Variants in LRRC74A observed in about 807,000 individuals in gnomAD.
The protein encoded by LRRC74A is leucine rich repeat containing 74A.
LRRC74A carries 44 observed loss-of-function variants against 57.9 expected under a neutral mutation model. That is an observed-to-expected ratio of 0.76 (90% confidence interval 0.60 to 0.98). The LOEUF is 0.98. Ranked by LOEUF, LRRC74A falls within the 50% of genes least tolerant of loss-of-function variation. The pLI, the probability that LRRC74A is intolerant of heterozygous loss-of-function variation, is 0.00. For missense variants in LRRC74A, 572 were observed against 574.0 expected (o/e 1.00, Z 0.04); for synonymous variants, 211 against 219.4 (o/e 0.96, Z 0.34).
Position 76,852,433 on chromosome 14 carries a change from T to C in LRRC74A, c.745T>C (p.Leu249=), listed in dbSNP as rs1405600868. ...NNFHTRGAVA[L]CNGLRGNVTL... ...CTTCCACACAAGGGGAGCTGTGGCC[T>C]TGTGCAATGGTCTCCGGGTAAGGCA... The change falls in exon 8 of 14, where the codon TTG becomes CTG. Residue 249 remains leucine (L), a synonymous_variant. Coordinates refer to ENST00000689127, the MANE Select transcript of LRRC74A (RefSeq NM_001385106.1). The C allele has an allele frequency of 1.2e-6, 2 of 1,609,308 alleles. No individual in the cohort carries two copies. The highest frequency in any genetic ancestry group is 2.7e-5 in the African/African-American group (2 of 74,878).
At chr14:76,860,860 C>T in intron 11 of LRRC74A, 21 bp downstream of exon 11, 1 of 1,562,030 alleles carries the variant, frequency 6.4e-7, no homozygotes, top group Non-Finnish European at 8.7e-7. Flanking sequence ...GCCTTCCTCT[C>T]AGGGCCTCCA....
Position 76,870,175 on chromosome 14 carries a change from C to G in LRRC74A, c.*26C>G, listed in dbSNP as rs757025209. The G allele has an allele frequency of 6.2e-7, 1 of 1,606,434 alleles. No individual in the cohort carries two copies. Among genetic ancestry groups the G allele is most frequent in the African/African-American group, 1.3e-5 (1 of 74,856 alleles). ...CAACAAGTCTGGTCTAGAAAGAAGTCTCGGCGAGAGGAGTCCTCGCAAGTC... is the reference window on the plus strand; with the variant it reads ...CAACAAGTCTGGTCTAGAAAGAAGTGTCGGCGAGAGGAGTCCTCGCAAGTC... On this transcript the variant is annotated 3_prime_UTR_variant, in exon 14 of 14. Transcript: ENST00000689127.
chr14:76,855,356 G>C (rs1413637782), intron 9 of LRRC74A, among the ~76,000 whole-genome samples: 6 of 152,212 alleles, frequency 3.9e-5, no homozygotes, highest in Admixed American at 3.9e-4. Context: ...AATTTTAAAA[G>C]ATTAAGCAGT....
Position 76,844,832 on chromosome 14 carries a change from A to G in LRRC74A, c.607A>G (p.Ile203Val), listed in dbSNP as rs956940105. Residue 203 changes from isoleucine to valine, a missense_variant, in exon 7 of 14, where the codon ATT becomes GTT. By Grantham distance (29) the Ile-to-Val change is conservative. Transcript: ENST00000689127. Reference protein sequence around the residue: ...LCQALSTNYQIKKLDLSHNQF... With the variant: ...LCQALSTNYQVKKLDLSHNQF... ...TTTGTTTCTGTAGACCAATTACCAAATTAAAAAGCTGGATCTCAGTCACAA... is the reference window on the plus strand; with the variant it reads ...TTTGTTTCTGTAGACCAATTACCAAGTTAAAAAGCTGGATCTCAGTCACAA... The G allele has an allele frequency of 8.2e-6, 13 of 1,577,226 alleles. No individual in the cohort carries two copies. Among genetic ancestry groups the G allele is most frequent in the Non-Finnish European group, 1.0e-5 (12 of 1,146,678 alleles).
chr14:76,862,474 C>T (rs1898389348), intron 11 of LRRC74A, among the ~76,000 whole-genome samples: 1 of 151,670 alleles, frequency 6.6e-6, no homozygotes, highest in Non-Finnish European at 1.5e-5. Context: ...GAGGCGGAGG[C>T]TGCAGCGAGC....
At chr14:76,828,586 C>A (rs777037895) in intron 2 of LRRC74A, 167 bp downstream of exon 2, 3 of 1,024,330 alleles carry the variant, frequency 2.9e-6, no homozygotes, top group Non-Finnish European at 4.4e-6. Context: ...AGTCCTCCTC[C>A]GGGCTGGCAG....
chr14:76,831,297 C>T lies in LRRC74A; in HGVS notation c.261C>T (p.Asn87=). ...TGCCTGTCTCCTACTTCATTCGGAA[C>T]ATGGAGGAGTCCTACGTGAACCTCA... ...GVVPVSYFIR[N]MEESYVNLNH... Residue 87 remains asparagine (N), a synonymous_variant, in exon 3 of 14, where the codon AAC becomes AAT. Coordinates refer to ENST00000689127, the MANE Select transcript of LRRC74A (RefSeq NM_001385106.1). 1 of 1,614,022 alleles carries T rather than the reference C, an allele frequency of 6.2e-7. No individual in the cohort carries two copies.
At chr14:76,828,110 G>A (rs772394110) in intron 1 of LRRC74A, among the ~76,000 whole-genome samples, 181 bp from the exon 2 acceptor site, 4 of 152,206 alleles carry the variant, frequency 2.6e-5, no homozygotes, top group East Asian at 3.9e-4. Context: ...CCCTGCAGCC[G>A]GAGGCAGCGC....
Position 76,853,430 on chromosome 14 carries a change from G to GTGTGTGTGTGTGTGTGTGTGT in LRRC74A, c.957+20_957+21insTGTGTGTGTGTGTGTGTGTGT. 8.5e-7 allele frequency: 1 copy of GTGTGTGTGTGTGTGTGTGTGT among 1,178,048 alleles called. No homozygotes were observed. Among genetic ancestry groups the GTGTGTGTGTGTGTGTGTGTGT allele is most frequent in the African/African-American group, 1.8e-5 (1 of 55,804 alleles). The allele number at this position is 1,178,048 out of a possible 1,614,324, so 73.0% of individuals were successfully genotyped here. On this transcript the variant is annotated intron_variant, in intron 9 of 13. Coordinates refer to ENST00000689127, the MANE Select transcript of LRRC74A (RefSeq NM_001385106.1). ...CTGAAGGTAGTCTTCAGCTGGAAAG[G>GTGTGTGTGTGTGTGTGTGTGT]GTGTGTGTGTGTGTGTGTGTGTGTG...
intron 3 of LRRC74A, among the ~76,000 whole-genome samples, chr14:76,832,763 CAGT>C (rs1429303771): frequency 6.6e-6 from 1 of 152,176 alleles, no homozygotes; most frequent in Non-Finnish European, 1.5e-5. Flanking sequence ...CAGCTGATGT[CAGT>C]AGTAGTTTCA....
rs757923653 is a variant in LRRC74A, at chr14:76,860,804, A to G, written c.1165A>G (p.Ile389Val). 27 of 1,611,006 alleles carry G rather than the reference A, an allele frequency of 1.7e-5. No homozygotes were observed. In the South Asian group the frequency reaches 2.9e-4, roughly 17 times the overall value. Residue 389 changes from isoleucine to valine, a missense_variant, in exon 11 of 14, where the codon ATC becomes GTC. Transcript: ENST00000689127. ...ACAAGGCCTCTCTCCCAAGAAAACCATCTTCTTGTTGACAAACCCCATGAA... is the reference window on the plus strand; with the variant it reads ...ACAAGGCCTCTCTCCCAAGAAAACCGTCTTCTTGTTGACAAACCCCATGAA... ...AVQGLSPKKT[I>V]FLLTNPMKLI...
At chr14:76,854,538 G>A (rs191952154) in intron 9 of LRRC74A, among the ~76,000 whole-genome samples, 13 of 152,192 alleles carry the variant, frequency 8.5e-5, no homozygotes, top group African/African-American at 2.6e-4. Context: ...CCCAGGAGGC[G>A]GAGGTTGCAG....
intron 7 of LRRC74A, among the ~76,000 whole-genome samples, chr14:76,850,844 C>CAAAA (rs36208311): frequency 4.6e-5 from 6 of 130,906 alleles, no homozygotes; most frequent in South Asian, 2.7e-4. Flanking sequence ...AACTCTGTCT[C>CAAAA]AAAAAAAAAA....
intron 8 of LRRC74A, among the ~76,000 whole-genome samples, chr14:76,852,768 G>A (rs573857505): frequency 2.6e-5 from 4 of 151,930 alleles, no homozygotes; most frequent in African/African-American, 4.8e-5. Flanking sequence ...ACAGGTGCCC[G>A]CCACCATGCC....
chr14:76,851,854 C>T (rs550734829), intron 7 of LRRC74A, among the ~76,000 whole-genome samples: 3 of 151,912 alleles, frequency 2.0e-5, no homozygotes, highest in Admixed American at 6.6e-5. Context: ...TTAGTAGAGA[C>T]GCAGTTTCAC....
At position 76,860,870 on chromosome 14, in the gene LRRC74A, A is replaced by C. The variant is rs1898249468; in HGVS notation, c.1200+31A>C. On this transcript the variant is annotated intron_variant, in intron 11 of 13. Coordinates refer to ENST00000689127, the MANE Select transcript of LRRC74A (RefSeq NM_001385106.1). ...CTCCTGCCTTCCTCTCAGGGCCTCC[A>C]GGGAGCCCTGGGGAAAGCTGGCCAA... 4 of 1,550,160 alleles carry C rather than the reference A, an allele frequency of 2.6e-6. No individual in the cohort carries two copies. In the African/African-American group the frequency reaches 5.5e-5, roughly 21 times the overall value.
chr14:76,852,809 G>C (rs12589036), intron 8 of LRRC74A, among the ~76,000 whole-genome samples: 48,716 of 151,674 alleles, frequency 0.32, 8,773 homozygotes, highest in East Asian at 0.51. Context: ...AGTAGAAACG[G>C]GGTTGTACCA....
chr14:76,843,240 G>A (rs538095872), intron 5 of LRRC74A, among the ~76,000 whole-genome samples: 10 of 141,952 alleles, frequency 7.0e-5, no homozygotes, highest in Middle Eastern at 3.8e-3. Context: ...CCGAGATCAC[G>A]CCACTGCACT....
At chr14:76,836,565 C>T (rs61989404) in intron 4 of LRRC74A, among the ~76,000 whole-genome samples, 23,978 of 152,174 alleles carry the variant, frequency 0.16, 2,153 homozygotes, top group Non-Finnish European at 0.2. Flanking sequence ...TTTGGGAGGC[C>T]GAGGTGGGAG....
Sources: allele counts gnomAD v4.1 joint callset (sites outside exome capture counted in the v4.1 genomes callset), GRCh38; gene constraint gnomAD v4.1.1; transcripts MANE v1.5; gene names NCBI Gene and HGNC (gene_info 2026-07-23, HGNC 2026-07-21).